SSX7: variants seen among roughly 807,000 people sequenced by gnomAD.
SSX7 encodes the protein SSX family member 7, also known as protein SSX7.
Under a neutral mutation model 14.7 loss-of-function variants are expected in SSX7, and 15 were observed. That is an observed-to-expected ratio of 1.02 (90% CI 0.68 to 1.58). SSX7 has a LOEUF of 1.58. Ranked by LOEUF, SSX7 falls within the 40% of genes most tolerant of loss-of-function variation. The pLI, the probability that SSX7 is intolerant of heterozygous loss-of-function variation, is 0.00. For missense variants in SSX7, 178 were observed against 146.8 expected, an observed-to-expected ratio of 1.21 and a Z score of -1.10; for synonymous variants, 46 against 50.6, an observed-to-expected ratio of 0.91 and a Z score of 0.38.
intron 5 of SSX7, 77 bp downstream of exon 5, chrX:52,650,276 T>G: frequency 8.8e-7 from 1 of 1,142,603 alleles, no homozygotes. Flanking sequence ...ATTTTTTATA[T>G]TCTCCCACTC....
At chrX:52,654,278 A>G (rs1185278657) in intron 1 of SSX7, among the ~76,000 whole-genome samples, 1 of 109,668 alleles carries the variant, frequency 9.1e-6, no homozygotes, top group Admixed American at 9.8e-5. Flanking sequence ...ACACACACAC[A>G]TTAACAGAAG....
chrX:52,652,868 A>G lies in SSX7; in HGVS notation c.184+2T>C, dbSNP rs782313413. On this transcript the variant is annotated splice_donor_variant, in intron 3 of 7. Coordinates refer to ENST00000298181, the MANE Select transcript of SSX7 (RefSeq NM_173358.2). LOFTEE classifies it high-confidence loss of function. ...TTGTCTGTACCTAGAACTTTCTGTT[A>G]CCTAGTTTAGTCATGGCCTCATACT... 8.4e-7 allele frequency: 1 copy of G among 1,188,021 alleles called. No individual in the cohort carries two copies. The highest frequency in any genetic ancestry group is 1.1e-6 in the Non-Finnish European group (1 of 876,519).
At chrX:52,645,415 G>A (rs781996345) in intron 7 of SSX7, 24 bp downstream of exon 7, 2 of 1,207,071 alleles carry the variant, frequency 1.7e-6, no homozygotes, top group Non-Finnish European at 2.2e-6. Flanking sequence ...AGGGATGTGG[G>A]GGATGAGCCG....
rs1556766887 is a variant in SSX7, at chrX:52,650,422, A to G, written c.281-20T>C. On this transcript the variant is annotated intron_variant, in intron 4 of 7. Transcript: ENST00000298181. ...GTTCAACTGAAAGAGAATATATCAG[A>G]ATTTTTCTTTGTTGGTAAAGATTTC... The G allele has an allele frequency of 8.3e-7, 1 of 1,204,010 alleles. No homozygotes were observed. The highest frequency in any genetic ancestry group is 1.1e-6 in the Non-Finnish European group (1 of 889,537).
chrX:52,647,567 C>T (rs1449360616), intron 6 of SSX7, among the ~76,000 whole-genome samples: 1 of 111,622 alleles, frequency 9.0e-6, no homozygotes, highest in Non-Finnish European at 1.9e-5. Context: ...ACAGCCACTC[C>T]ACCCTTCAGC....
At chrX:52,650,793 A>G (rs1266011232) in intron 4 of SSX7, among the ~76,000 whole-genome samples, 2 of 112,399 alleles carry the variant, frequency 1.8e-5, no homozygotes, top group African/African-American at 6.5e-5. Flanking sequence ...AAGCTGTTAA[A>G]TGTGTGATGA....
intron 4 of SSX7, among the ~76,000 whole-genome samples, chrX:52,651,812 T>C (rs189278748): frequency 1.2e-3 from 130 of 111,075 alleles, no homozygotes; most frequent in African/African-American, 4.1e-3. Flanking sequence ...GAGGTGAAAG[T>C]TGGAGTGAGC....
intron 1 of SSX7, 100 bp downstream of exon 1, chrX:52,654,662 C>G (rs782047427): frequency 9.0e-6 from 1 of 110,515 alleles, no homozygotes; most frequent in African/African-American, 3.3e-5. Flanking sequence ...AACAAATGCA[C>G]CACAGAGGAG....
Position 52,650,350 on chromosome X carries a change from C to A in SSX7, c.330+3G>T. The A allele has an allele frequency of 8.3e-7, 1 of 1,209,665 alleles. No individual in the cohort carries two copies. The highest frequency in any genetic ancestry group is 1.1e-6 in the Non-Finnish European group (1 of 893,730). ...TGGTCCTTTAGATCTGAGAGACACT[C>A]ACCTTCGGGAAGATTCTCTGGAGCC... On this transcript the variant is annotated splice_donor_region_variant and intron_variant, in intron 5 of 7. Coordinates refer to ENST00000298181, the MANE Select transcript of SSX7 (RefSeq NM_173358.2).
rs371430441 is a variant in SSX7, at chrX:52,652,351, G to T, written c.185-4C>A. 6.6e-4 allele frequency: 776 copies of T among 1,171,435 alleles called. 3 individuals are homozygous for T. Among genetic ancestry groups the T allele is most frequent in the Non-Finnish European group, 8.1e-4 (699 of 862,126 alleles). ...GGTGGGAGGGTGGCCTTGAAGCCTA[G>T]AAAGAAGCAAAATGTTTATTCCTTA... is the stretch of plus-strand genomic sequence containing the variant. On this transcript the variant is annotated splice_region_variant and splice_polypyrimidine_tract_variant and intron_variant, in intron 3 of 7. Coordinates refer to ENST00000298181, the MANE Select transcript of SSX7 (RefSeq NM_173358.2).
Position 52,649,972 on chromosome X carries a change from A to G in SSX7, c.330+381T>C, listed in dbSNP as rs1925376055. Among the ~76,000 whole-genome samples, 4 of 112,428 alleles carry G rather than the reference A, an allele frequency of 3.6e-5. No individual in the cohort carries two copies. The Admixed American group carries it at 3.8e-4, about 11-fold the overall frequency. On this transcript the variant is annotated intron_variant, in intron 5 of 7. Transcript: ENST00000298181. ...ACGATTCTTTACTTCCATTTCATGG[A>G]CCAGGAATCTGGAGCTCAGAGAACT...
In SSX7 at chrX:52,653,449, T is replaced by C. The variant is rs782686205; in HGVS notation, c.24A>G (p.Ala8=). ...TTTGAGCACCAGCCCTAGGTCTCCTTGCAAAGGCGTCGTCTCCGTTCATGG... is the reference window on the plus strand; with the variant it reads ...TTTGAGCACCAGCCCTAGGTCTCCTCGCAAAGGCGTCGTCTCCGTTCATGG... The part of the protein sequence containing the change: MNGDDAF[A]RRPRAGAQIP... The change falls in exon 2 of 8, where the codon GCA becomes GCG. Residue 8 remains alanine (A), a synonymous_variant. Transcript: ENST00000298181. 9.1e-6 allele frequency: 11 copies of C among 1,211,497 alleles called. No individual in the cohort carries two copies. Among genetic ancestry groups the C allele is most frequent in the Admixed American group, 8.7e-5 (4 of 45,993 alleles).
chrX:52,653,388 C>G lies in SSX7; in HGVS notation c.69+16G>C. Reference sequence around the variant, plus strand: ...GTCCCCTGGGCCACTACTCTGCTCCCTCCAGGTCACCTCACCTTTTGGATC... The same window carrying G: ...GTCCCCTGGGCCACTACTCTGCTCCGTCCAGGTCACCTCACCTTTTGGATC... On this transcript the variant is annotated intron_variant, in intron 2 of 7. Transcript: ENST00000298181. 8.3e-7 allele frequency: 1 copy of G among 1,211,425 alleles called. No individual in the cohort carries two copies. Among genetic ancestry groups the G allele is most frequent in the Non-Finnish European group, 1.1e-6 (1 of 895,311 alleles).
rs782156246 is a variant in SSX7, at chrX:52,647,141, C to A, written c.466+1120G>T. Reference sequence around the variant, plus strand: ...TCAGAGCAAGACCAGAACTCTCTTCCAGTCCATGAAAGCTGAGAGAGGTGA... The same window carrying A: ...TCAGAGCAAGACCAGAACTCTCTTCAAGTCCATGAAAGCTGAGAGAGGTGA... On this transcript the variant is annotated intron_variant, in intron 6 of 7. Coordinates refer to ENST00000298181, the MANE Select transcript of SSX7 (RefSeq NM_173358.2). 3.6e-5 allele frequency among the ~76,000 whole-genome samples: 4 copies of A among 112,155 alleles called. 1 individual carries two copies. Among genetic ancestry groups the A allele is most frequent in the South Asian group, 7.5e-4 (2 of 2,667 alleles).
chrX:52,644,823 C>T (rs782689552), intron 7 of SSX7, among the ~76,000 whole-genome samples, 153 bp from the exon 8 acceptor site: 2 of 111,444 alleles, frequency 1.8e-5, no homozygotes, highest in African/African-American at 6.5e-5. Flanking sequence ...TTGAAGTGAA[C>T]CATCCGCTCA....
intron 6 of SSX7, among the ~76,000 whole-genome samples, chrX:52,647,737 C>G (rs1556766502): frequency 8.9e-6 from 1 of 111,775 alleles, no homozygotes. Context: ...TGCTATTGCA[C>G]TCTTAGTAGA....
intron 6 of SSX7, among the ~76,000 whole-genome samples, chrX:52,646,516 T>C (rs1185816215): frequency 8.9e-6 from 1 of 112,603 alleles, no homozygotes; most frequent in Non-Finnish European, 1.9e-5. Context: ...AACAATCCAA[T>C]TACACTCTTC....
intron 4 of SSX7, among the ~76,000 whole-genome samples, chrX:52,651,367 A>C (rs868928556): frequency 1.8e-5 from 2 of 112,451 alleles, no homozygotes; most frequent in African/African-American, 3.2e-5. Context: ...GCGAATCTAC[A>C]GTTGTAACAT....
chrX:52,647,872 G>A (rs782818633), intron 6 of SSX7, among the ~76,000 whole-genome samples: 2 of 111,708 alleles, frequency 1.8e-5, no homozygotes, highest in East Asian at 2.8e-4. Flanking sequence ...AACTTTATTG[G>A]GTATCAGGCA....
Sources: gnomAD v4.1 joint callset for allele counts (sites outside exome capture counted in the v4.1 genomes callset) on GRCh38, gnomAD v4.1.1 for gene constraint, MANE v1.5 for transcripts, NCBI Gene and HGNC (gene_info 2026-07-23, HGNC 2026-07-21) for gene names.